The following PYROXD1 variants were observed in gnomAD, a reference collection of about 807,000 sequenced individuals.
The protein encoded by PYROXD1 is pyridine nucleotide-disulphide oxidoreductase domain 1, also known as tRNA ligase complex-associated NAD(P)H dehydrogenase PYROXD1.
In PYROXD1, 42 loss-of-function variants were observed where a neutral mutation model predicts 62.0. The observed-to-expected ratio is 0.68, with a 90% CI of 0.53 to 0.88. PYROXD1 has a LOEUF of 0.88. PYROXD1 is among the 40% of genes least tolerant of loss of function. The pLI, the probability that PYROXD1 is intolerant of heterozygous loss-of-function variation, is 0.00. For synonymous variants in PYROXD1, 170 were observed against 206.4 expected (o/e 0.82, Z 1.51); for missense variants, 493 against 604.8 (o/e 0.82, Z 1.94).
chr12:21,442,235 G>A lies in PYROXD1; in HGVS notation c.165+1787G>A, dbSNP rs143111962. Among the ~76,000 whole-genome samples the A allele has an allele frequency of 8.4e-4, 128 of 152,292 alleles. 1 individual carries two copies. The highest frequency in any genetic ancestry group is 3.4e-3 in the Middle Eastern group (1 of 294). ...AGATAGAGCTGAGGCCCAAAACACA[G>A]GCATACACGGAGGAATTAAAGTTCT... On this transcript the variant is annotated intron_variant, in intron 2 of 11. Transcript: ENST00000240651.
rs115480138 is a variant in PYROXD1, at chr12:21,450,960, C to T, written c.415-1121C>T. On this transcript the variant is annotated intron_variant, in intron 4 of 11. Transcript: ENST00000240651. Reference sequence around the variant, plus strand: ...ATTTAGCTGTTAAGTCTATCAGATACACAATTTAAACTTGTGCTTTTCACC... The same window carrying T: ...ATTTAGCTGTTAAGTCTATCAGATATACAATTTAAACTTGTGCTTTTCACC... Among the ~76,000 whole-genome samples the T allele has an allele frequency of 3.4e-3, 523 of 152,272 alleles. 3 individuals carry two copies. Among genetic ancestry groups the T allele is most frequent in the African/African-American group, 0.012 (505 of 41,550 alleles).
In PYROXD1 at chr12:21,468,564, T is replaced by C; in HGVS notation, c.1313T>C (p.Leu438Pro). 1 of 1,612,790 alleles carries C rather than the reference T, an allele frequency of 6.2e-7. No individual in the cohort carries two copies. Among genetic ancestry groups the C allele is most frequent in the Non-Finnish European group, 8.5e-7 (1 of 1,179,096 alleles). The change falls in exon 12 of 12, where the codon CTG (leucine) becomes CCG (proline). Residue 438 changes from leucine (L) to proline (P), a missense_variant. Physicochemically the swap from Leu to Pro is moderately conservative, Grantham distance 98. This residue lies in a region of PYROXD1 where 329 missense variants were observed against 446.6 expected (regional missense o/e 0.74). Coordinates refer to ENST00000240651, the MANE Select transcript of PYROXD1 (RefSeq NM_024854.5). Reference protein sequence around the residue: ...QGLGSDHELMLRCTKGREYIK... With the variant: ...QGLGSDHELMPRCTKGREYIK... ...TTAGGTTCAGATCATGAATTAATGC[T>C]GAGATGTACCAAAGGACGAGAATAC...
intron 7 of PYROXD1, chr12:21,457,190 A>G (rs6487227): frequency 0.48 from 100,711 of 207,846 alleles, 24,757 homozygotes; most frequent in Middle Eastern, 0.54. Context: ...AATTCTTTCC[A>G]GAAGGTTTTC....
chr12:21,443,654 A>G (rs1041191881), intron 2 of PYROXD1, among the ~76,000 whole-genome samples: 5 of 152,204 alleles, frequency 3.3e-5, no homozygotes, highest in Non-Finnish European at 7.4e-5. Context: ...AATTTCTAAA[A>G]TGTCGAAAAA....
At chr12:21,447,459 A>G (rs1942410664) in intron 3 of PYROXD1, 1 of 153,054 alleles carries the variant, frequency 6.5e-6, no homozygotes. Flanking sequence ...AGGGCATTTG[A>G]ATGAATCAGA....
At chr12:21,458,950 CT>C (rs1417415946) in intron 7 of PYROXD1, among the ~76,000 whole-genome samples, 8 of 152,186 alleles carry the variant, frequency 5.3e-5, no homozygotes, top group Non-Finnish European at 1.2e-4. Flanking sequence ...ACTGATAAGA[CT>C]TGCTTGATGT....
intron 10 of PYROXD1, among the ~76,000 whole-genome samples, chr12:21,465,834 A>G (rs1201768134): frequency 3.3e-5 from 5 of 152,088 alleles, no homozygotes; most frequent in Admixed American, 2.0e-4. Context: ...ATCTTGAATT[A>G]ATTTTTGTAT....
chr12:21,453,497 A>G (rs1232585681), intron 5 of PYROXD1, among the ~76,000 whole-genome samples: 9 of 131,120 alleles, frequency 6.9e-5, no homozygotes, highest in Non-Finnish European at 1.4e-4. Context: ...TTCAGTTATT[A>G]TCTGTTTTCT....
chr12:21,465,800 G>T (rs1311517112), intron 10 of PYROXD1, among the ~76,000 whole-genome samples: 7 of 151,994 alleles, frequency 4.6e-5, no homozygotes, highest in Non-Finnish European at 1.0e-4. Flanking sequence ...ATGGTTTTAG[G>T]TCTAACATGT....
At chr12:21,460,186 T>A (rs1942668382) in intron 7 of PYROXD1, among the ~76,000 whole-genome samples, 1 of 151,848 alleles carries the variant, frequency 6.6e-6, no homozygotes, top group Non-Finnish European at 1.5e-5. Context: ...CTAATTTTTG[T>A]GATGGAAATT....
chr12:21,446,783 C>T (rs67351735), intron 3 of PYROXD1, among the ~76,000 whole-genome samples: 10,827 of 151,980 alleles, frequency 0.071, 447 homozygotes, highest in Middle Eastern at 0.12. Flanking sequence ...GGCATGGTGG[C>T]GTGCACTTGT....
At chr12:21,464,985 C>T (rs1227959274) in intron 10 of PYROXD1, among the ~76,000 whole-genome samples, 4 of 152,178 alleles carry the variant, frequency 2.6e-5, no homozygotes. Flanking sequence ...CATGTCCCTA[C>T]AAAGGACATG....
chr12:21,450,158 G>A (rs984211944), intron 4 of PYROXD1, among the ~76,000 whole-genome samples: 19 of 151,800 alleles, frequency 1.3e-4, no homozygotes, highest in Non-Finnish European at 2.5e-4. Flanking sequence ...GTGAGCCACC[G>A]TGCCCAGCCT....
chr12:21,463,927 CACAGTTAG>C (rs1012561604), intron 10 of PYROXD1, among the ~76,000 whole-genome samples: 1 of 152,084 alleles, frequency 6.6e-6, no homozygotes, highest in African/African-American at 2.4e-5. Flanking sequence ...AGACCAGCTC[CACAGTTAG>C]GGACATTATT....
chr12:21,452,400 G>T (rs932981557), intron 5 of PYROXD1, among the ~76,000 whole-genome samples: 3 of 152,020 alleles, frequency 2.0e-5, no homozygotes, highest in African/African-American at 7.2e-5. Flanking sequence ...TTTTGGGAAT[G>T]CTTTAGGTCT....
At chr12:21,448,233 T>C in intron 3 of PYROXD1, 1 of 507,768 alleles carries the variant, frequency 2.0e-6, no homozygotes, top group Non-Finnish European at 3.8e-6. Flanking sequence ...TTTGTTCTTA[T>C]GAAATGCTAC....
chr12:21,468,434 G>C, intron 11 of PYROXD1, 72 bp from the exon 12 acceptor site: 1 of 1,406,754 alleles, frequency 7.1e-7, no homozygotes, highest in Non-Finnish European at 9.8e-7. Context: ...ATTCAAACTT[G>C]ACACAAAATA....
intron 10 of PYROXD1, 97 bp from the exon 11 acceptor site, chr12:21,467,384 C>A: frequency 8.9e-7 from 1 of 1,127,170 alleles, no homozygotes; most frequent in Non-Finnish European, 1.2e-6. Context: ...GAAAGACTGT[C>A]AAACATTGAA....
chr12:21,466,471 G>A (rs1168226963), intron 10 of PYROXD1, among the ~76,000 whole-genome samples: 1 of 152,002 alleles, frequency 6.6e-6, no homozygotes. Flanking sequence ...CTGTTTGTCT[G>A]TTGTTGGTGT....
Sources: allele counts gnomAD v4.1 joint callset (sites outside exome capture counted in the v4.1 genomes callset), GRCh38; gene constraint gnomAD v4.1.1; regional missense constraint gnomAD v4.1.1; transcripts MANE v1.5; gene names NCBI Gene and HGNC (gene_info 2026-07-23, HGNC 2026-07-21).